The following PFKP variants were observed in gnomAD, a reference collection of about 807,000 sequenced individuals.
PFKP encodes phosphofructokinase, platelet.
A neutral mutation model predicts 94.3 loss-of-function variants in PFKP; 101 were observed. The observed-to-expected ratio is 1.07, with a 90% confidence interval of 0.91 to 1.26. PFKP has a LOEUF of 1.26. PFKP is among the 50% of genes most tolerant of loss of function. PFKP has a pLI of 0.00. For synonymous variants in PFKP, 573 were observed against 432.6 expected, an observed-to-expected ratio of 1.32 and a Z score of -4.03; for missense variants, 1,145 against 1,103.3, an observed-to-expected ratio of 1.04 and a Z score of -0.53.
intron 4 of PFKP, among the ~76,000 whole-genome samples, chr10:3,102,029 A>G (rs1835047825): frequency 6.6e-6 from 1 of 150,608 alleles, no homozygotes; most frequent in Non-Finnish European, 1.5e-5. Context: ...AGGCGGGCGG[A>G]TCACGAGGTC....
chr10:3,134,864 G>C (rs1352541958), intron 20 of PFKP, among the ~76,000 whole-genome samples: 1 of 152,170 alleles, frequency 6.6e-6, no homozygotes, highest in African/African-American at 2.4e-5. Flanking sequence ...CCTGAACGTT[G>C]GCCAGCAATT....
Position 3,103,884 on chromosome 10 carries a change from C to G in PFKP, c.560C>G (p.Thr187Arg). The change falls in exon 5 of 22, where the codon ACG becomes AGG. Residue 187 changes from threonine (T) to arginine (R), a missense_variant. Physicochemically the swap from Thr to Arg is moderately conservative, Grantham distance 71. This residue lies in a region of PFKP where 1,119 missense variants were observed against 1,062.8 expected (regional missense o/e 1.05). Transcript: ENST00000381125. ...DFCGTDMTIG[T>R]DSALHRIIEV... ...TGCGGCACCGACATGACCATCGGCACGGACTCCGCCCTGCACAGGATCATC... is the reference window on the plus strand; with the variant it reads ...TGCGGCACCGACATGACCATCGGCAGGGACTCCGCCCTGCACAGGATCATC... The G allele has an allele frequency of 6.2e-7, 1 of 1,613,980 alleles. No homozygotes were observed. The highest frequency in any genetic ancestry group is 8.5e-7 in the Non-Finnish European group (1 of 1,180,022).
intron 15 of PFKP, among the ~76,000 whole-genome samples, chr10:3,119,435 G>A (rs185419277): frequency 2.4e-3 from 285 of 116,380 alleles, no homozygotes; most frequent in Admixed American, 4.6e-3. Flanking sequence ...GTGAAACCCC[G>A]TCTCTACTAA....
chr10:3,108,759 G>C lies in PFKP; in HGVS notation c.929G>C (p.Arg310Thr). 1 of 1,613,924 alleles carries C rather than the reference G, an allele frequency of 6.2e-7. No homozygotes were observed. The highest frequency in any genetic ancestry group is 8.5e-7 in the Non-Finnish European group (1 of 1,179,840). ...GTGACCATCCTCGGGCACGTGCAGA[G>C]AGGAGGGACCCCTTCGGCATTCGAC... is the stretch of plus-strand genomic sequence containing the variant. ...TRVTILGHVQ[R>T]GGTPSAFDRI... is the part of the protein sequence containing the mutation. Residue 310 changes from arginine (R) to threonine (T), a missense_variant, in exon 9 of 22, where the codon AGA (arginine) becomes ACA (threonine). Arg to Thr is a moderately conservative substitution (Grantham distance 71). This residue lies in a region of PFKP where 1,119 missense variants were observed against 1,062.8 expected (regional missense o/e 1.05). Coordinates refer to ENST00000381125, the MANE Select transcript of PFKP (RefSeq NM_002627.5).
intron 19 of PFKP, among the ~76,000 whole-genome samples, chr10:3,133,716 C>A (rs562707934): frequency 4.6e-5 from 7 of 152,080 alleles, no homozygotes; most frequent in African/African-American, 1.7e-4. Flanking sequence ...CAGGCCTGAG[C>A]CACTGTGCCC....
At chr10:3,070,782 G>A (rs1193084508) in intron 1 of PFKP, among the ~76,000 whole-genome samples, 1 of 152,160 alleles carries the variant, frequency 6.6e-6, no homozygotes, top group Admixed American at 6.5e-5. Context: ...ACCCAGGCCA[G>A]AGTGTAGTGG....
intron 16 of PFKP, chr10:3,129,539 T>A: frequency 1.9e-5 from 8 of 430,986 alleles, no homozygotes; most frequent in South Asian, 5.9e-5. Flanking sequence ...TCCCCTTCTA[T>A]GGGGCCTGGG....
At chr10:3,072,610 G>A (rs529820921) in intron 1 of PFKP, among the ~76,000 whole-genome samples, 4 of 152,110 alleles carry the variant, frequency 2.6e-5, no homozygotes, top group Admixed American at 6.5e-5. Context: ...AATGCAGACC[G>A]TTTTGTGTGC....
chr10:3,128,180 G>T (rs11251738), intron 16 of PFKP, among the ~76,000 whole-genome samples: 4 of 151,844 alleles, frequency 2.6e-5, no homozygotes, highest in Non-Finnish European at 5.9e-5. Context: ...GTGGGGGCTC[G>T]GCCGGGTGCT....
rs185120564 is a variant in PFKP at position 3,093,259 on chromosome 10, A to C, written c.187-6016A>C. Among the ~76,000 whole-genome samples, 369 of 151,402 alleles carry C rather than the reference A, an allele frequency of 2.4e-3. 3 individuals carry two copies. The highest frequency in any genetic ancestry group is 8.0e-3 in the African/African-American group (329 of 41,210). ...ACTGTCACCCCCACCTTCCCCCAAC[A>C]GTGTTGAAAGACCAAGCAAGGTTGT... is the stretch of plus-strand genomic sequence containing the variant. On this transcript the variant is annotated intron_variant, in intron 2 of 21. Transcript: ENST00000381125.
At chr10:3,112,589 C>T (rs1836359240) in intron 11 of PFKP, among the ~76,000 whole-genome samples, 1 of 152,176 alleles carries the variant, frequency 6.6e-6, no homozygotes, top group African/African-American at 2.4e-5. Flanking sequence ...AAGGAGTCTC[C>T]TTCTGTTGCC....
At chr10:3,124,331 G>A (rs1837713425) in intron 16 of PFKP, among the ~76,000 whole-genome samples, 1 of 152,212 alleles carries the variant, frequency 6.6e-6, no homozygotes, top group Non-Finnish European at 1.5e-5. Context: ...GGAACAGTGG[G>A]CGTGTGGACC....
chr10:3,077,454 G>A (rs758445710), intron 1 of PFKP, among the ~76,000 whole-genome samples: 3 of 151,344 alleles, frequency 2.0e-5, no homozygotes, highest in Non-Finnish European at 4.4e-5. Flanking sequence ...TTTTAGTAGA[G>A]ATGGGGTTTC....
chr10:3,081,732 T>A (rs1833092750), intron 1 of PFKP, among the ~76,000 whole-genome samples: 2 of 151,642 alleles, frequency 1.3e-5, no homozygotes, highest in Non-Finnish European at 1.5e-5. Flanking sequence ...TAAGCAGACT[T>A]ATATGATGAT....
At chr10:3,115,274 T>C (rs1836671630) in intron 13 of PFKP, among the ~76,000 whole-genome samples, 1 of 151,956 alleles carries the variant, frequency 6.6e-6, no homozygotes, top group Non-Finnish European at 1.5e-5. Flanking sequence ...TGAAAGTGTG[T>C]GTCCCACGGC....
intron 3 of PFKP, chr10:3,100,975 C>T (rs369286535): frequency 6.2e-7 from 1 of 1,612,412 alleles, no homozygotes; most frequent in East Asian, 2.2e-5. Context: ...CACCGCTTCC[C>T]TTGTCCTGGC....
chr10:3,102,817 A>G (rs1835148968), intron 4 of PFKP, among the ~76,000 whole-genome samples: 1 of 152,212 alleles, frequency 6.6e-6, no homozygotes, highest in Non-Finnish European at 1.5e-5. Flanking sequence ...AGCTGTCCCC[A>G]GGTTTGTGAA....
At position 3,076,017 on chromosome 10, in the gene PFKP, C is replaced by CAAAAAAA. The variant is rs59102828; in HGVS notation, c.113-6354_113-6348dup. On this transcript the variant is annotated intron_variant, in intron 1 of 21. Coordinates refer to ENST00000381125, the MANE Select transcript of PFKP (RefSeq NM_002627.5). ...TGGGCGACAGAGCGAGACTCCGTCT[C>CAAAAAAA]AAAAAAAAAAAAAAAAAAAAAAAGT... Among the ~76,000 whole-genome samples, 158 of 61,744 alleles carry CAAAAAAA rather than the reference C, an allele frequency of 2.6e-3. 1 individual carries two copies. Among genetic ancestry groups the CAAAAAAA allele is most frequent in the African/African-American group, 5.9e-3 (100 of 16,880 alleles). The allele number at this position is 61,744 out of a possible 152,430, so 40.5% of individuals were successfully genotyped here.
chr10:3,069,366 T>A, intron 1 of PFKP: 1 of 1,590,796 alleles, frequency 6.3e-7, no homozygotes, highest in East Asian at 2.3e-5. Flanking sequence ...CCCGCGTGAC[T>A]TAAACCGGCC....
Sources: gnomAD v4.1 joint callset for allele counts (sites outside exome capture counted in the v4.1 genomes callset) on GRCh38, gnomAD v4.1.1 for gene constraint, gnomAD v4.1.1 regional missense constraint, MANE v1.5 for transcripts, NCBI Gene and HGNC (gene_info 2026-07-23, HGNC 2026-07-21) for gene names.